The following CHD1 variants were observed in gnomAD, a reference collection of about 807,000 sequenced individuals.
CHD1 encodes chromodomain helicase DNA binding protein 1.
CHD1 carries 36 observed loss-of-function variants against 224.2 expected under a neutral mutation model. The observed-to-expected ratio is 0.16, with a 90% CI of 0.12 to 0.21. CHD1 has a LOEUF of 0.21. CHD1 is among the 10% of genes least tolerant of loss of function. The probability of loss-of-function intolerance (pLI) is 1.00; values close to 1 mark genes in which losing one functional copy is unlikely to be tolerated. For synonymous variants in CHD1, 668 were observed against 658.3 expected, an observed-to-expected ratio of 1.01 and a Z score of -0.23; for missense variants, 1,378 against 1,994.8, an observed-to-expected ratio of 0.69 and a Z score of 5.89.
At chr5:98,882,961 C>T (rs181877245) in intron 19 of CHD1, 127 bp downstream of exon 19, 8 of 556,318 alleles carry the variant, frequency 1.4e-5, no homozygotes, top group East Asian at 1.4e-4. Context: ...CCTCAGTATC[C>T]TATCGGTTAA....
At chr5:98,900,500 T>C (rs1160513460) in intron 7 of CHD1, among the ~76,000 whole-genome samples, 1 of 150,730 alleles carries the variant, frequency 6.6e-6, no homozygotes, top group Non-Finnish European at 1.5e-5. Flanking sequence ...AGTGCAGTCG[T>C]GCAATCTCAG....
In CHD1 at chr5:98,888,245, A is replaced by C; in HGVS notation, c.2344-5T>G. The C allele has an allele frequency of 6.2e-7, 1 of 1,600,404 alleles. No homozygotes were observed. Among genetic ancestry groups the C allele is most frequent in the Non-Finnish European group, 8.5e-7 (1 of 1,172,972 alleles). On this transcript the variant is annotated splice_polypyrimidine_tract_variant and splice_region_variant and intron_variant, in intron 16 of 35. Coordinates refer to ENST00000614616, the MANE Select transcript of CHD1 (RefSeq NM_001270.4). ...TCCGCTACTACGAATTAAGTGCTAC[A>C]GAAACAATTCAAGTTGTTATATGTT...
Position 98,875,628 on chromosome 5 carries a change from T to G in CHD1, c.3399-515A>C, listed in dbSNP as rs1364838868. 1.3e-5 allele frequency among the ~76,000 whole-genome samples: 2 copies of G among 152,230 alleles called. 1 individual carries two copies. Among genetic ancestry groups the G allele is most frequent in the East Asian group, 3.9e-4 (2 of 5,188 alleles). ...GTAGAAGTCGAAATGCTTCCTCAAC[T>G]AAAGACGAAAAGTACAGCAATTCAG... On this transcript the variant is annotated intron_variant, in intron 24 of 35. Coordinates refer to ENST00000614616, the MANE Select transcript of CHD1 (RefSeq NM_001270.4).
intron 2 of CHD1, among the ~76,000 whole-genome samples, chr5:98,907,181 G>A (rs1203162055): frequency 1.3e-5 from 2 of 152,190 alleles, no homozygotes; most frequent in Admixed American, 6.5e-5. Context: ...GCAACAGCCC[G>A]AGGCTATGCT....
rs1231509800 is a variant in CHD1 at position 98,912,726 on chromosome 5, A to G, written c.54-7628T>C. The stretch of plus-strand genomic sequence containing the variant: ...GCAAAGTCAAATGTATACAAAAGTC[A>G]CCTCGGCAAGTGCTAGTAGCACTAG... On this transcript the variant is annotated intron_variant, in intron 2 of 35. Coordinates refer to ENST00000614616, the MANE Select transcript of CHD1 (RefSeq NM_001270.4). 2.6e-5 allele frequency among the ~76,000 whole-genome samples: 4 copies of G among 152,134 alleles called. No individual in the cohort carries two copies. The East Asian group carries it at 7.7e-4, about 29-fold the overall frequency.
At chr5:98,856,756 A>C in intron 35 of CHD1, 31 bp from the exon 36 acceptor site, 4 of 1,345,358 alleles carry the variant, frequency 3.0e-6, no homozygotes, top group Non-Finnish European at 4.1e-6. Context: ...ATTTTAGACA[A>C]ATCATGCAAA....
chr5:98,906,830 G>A lies in CHD1; in HGVS notation c.54-1732C>T, dbSNP rs183779176. ...GTAGCAATAAAGTATCTCCTCTGAA[G>A]ATCTTGAAAGTAGAGATCATACACA... On this transcript the variant is annotated intron_variant, in intron 2 of 35. Transcript: ENST00000614616. Among the ~76,000 whole-genome samples the A allele has an allele frequency of 2.7e-3, 405 of 152,294 alleles. 2 individuals are homozygous for A. Among genetic ancestry groups the A allele is most frequent in the Non-Finnish European group, 4.1e-3 (279 of 68,012 alleles).
rs954654389 is a variant in CHD1, at chr5:98,900,710, C to A, written c.859+101G>T. On this transcript the variant is annotated intron_variant, in intron 7 of 35. Coordinates refer to ENST00000614616, the MANE Select transcript of CHD1 (RefSeq NM_001270.4). ...CTCCTGATCCATCGGCCTCGGCCCCCCAAAGTACTGGGATTACAGGGGCGA... is the reference window on the plus strand; with the variant it reads ...CTCCTGATCCATCGGCCTCGGCCCCACAAAGTACTGGGATTACAGGGGCGA... 1.6e-5 allele frequency: 17 copies of A among 1,061,500 alleles called. No individual in the cohort carries two copies. The South Asian group carries it at 1.6e-4, about 10-fold the overall frequency. 65.8% of individuals were successfully genotyped at this position (1,061,500 alleles called of 1,614,324 possible).
chr5:98,923,214 G>C (rs547449979), intron 2 of CHD1, among the ~76,000 whole-genome samples: 282 of 151,984 alleles, frequency 1.9e-3, no homozygotes, highest in African/African-American at 6.7e-3. Flanking sequence ...GAAAGAAAAT[G>C]AAGGCAAAAA....
intron 9 of CHD1, 78 bp from the exon 10 acceptor site, chr5:98,898,512 G>A (rs1362297412): frequency 2.5e-5 from 33 of 1,315,948 alleles, no homozygotes; most frequent in Non-Finnish European, 3.2e-5. Flanking sequence ...TCTTAGTAAA[G>A]GCTACACAAG....
intron 30 of CHD1, chr5:98,869,537 T>C (rs565042910): frequency 1.9e-6 from 1 of 515,830 alleles, no homozygotes; most frequent in Admixed American, 3.9e-5. Context: ...ATGCCTCTAG[T>C]GCTATATAAT....
chr5:98,881,382 C>G lies in CHD1; in HGVS notation c.2868-7G>C. ...TTTATTGAAAGGAGTAGAACTAAAA[C>G]AGGAAAAACAAAAATGCTTAACATT... On this transcript the variant is annotated splice_polypyrimidine_tract_variant and splice_region_variant and intron_variant, in intron 20 of 35. Transcript: ENST00000614616. 1 of 1,384,558 alleles carries G rather than the reference C, an allele frequency of 7.2e-7. No individual in the cohort carries two copies. The highest frequency in any genetic ancestry group is 9.7e-7 in the Non-Finnish European group (1 of 1,025,986). The allele number at this position is 1,384,558 out of a possible 1,614,324, so 85.8% of individuals were successfully genotyped here.
At chr5:98,886,658 A>G (rs984243868) in intron 17 of CHD1, among the ~76,000 whole-genome samples, 7 of 152,182 alleles carry the variant, frequency 4.6e-5, no homozygotes, top group African/African-American at 1.7e-4. Context: ...ATTTTAAATG[A>G]TGTATTCTAA....
At chr5:98,873,775 CA>C in intron 25 of CHD1, 52 bp from the exon 26 acceptor site, 1 of 1,531,130 alleles carries the variant, frequency 6.5e-7, no homozygotes, top group Non-Finnish European at 8.9e-7. Context: ...GAAGTGGTGC[CA>C]TTTAAGATTA....
intron 12 of CHD1, among the ~76,000 whole-genome samples, chr5:98,895,788 CTA>C (rs1218587744): frequency 2.7e-5 from 4 of 150,266 alleles, no homozygotes; most frequent in Non-Finnish European, 5.9e-5. Flanking sequence ...AATATATATA[CTA>C]AGTAACACTA....
intron 23 of CHD1, 68 bp from the exon 24 acceptor site, chr5:98,876,626 T>C: frequency 3.8e-6 from 5 of 1,307,514 alleles, no homozygotes; most frequent in Non-Finnish European, 4.3e-6. Flanking sequence ...CAAAAACCAT[T>C]ATAAAAGATG....
chr5:98,917,508 T>C (rs1752814875), intron 2 of CHD1, among the ~76,000 whole-genome samples: 1 of 152,204 alleles, frequency 6.6e-6, no homozygotes, highest in Non-Finnish European at 1.5e-5. Context: ...CCATGATATC[T>C]ACCACGTAGT....
rs749514598 is a variant in CHD1 at position 98,903,919 on chromosome 5, A to C, written c.256-11T>G. Reference sequence around the variant, plus strand: ...ACTAGATTTCCAAAACTATAATAGAAATATAAACCAGTGAATGAAGAAGTA... The same window carrying C: ...ACTAGATTTCCAAAACTATAATAGACATATAAACCAGTGAATGAAGAAGTA... On this transcript the variant is annotated splice_polypyrimidine_tract_variant and intron_variant, in intron 3 of 35. Coordinates refer to ENST00000614616, the MANE Select transcript of CHD1 (RefSeq NM_001270.4). 6.6e-7 allele frequency: 1 copy of C among 1,515,508 alleles called. No homozygotes were observed. Among genetic ancestry groups the C allele is most frequent in the South Asian group, 1.2e-5 (1 of 85,850 alleles). The allele number at this position is 1,515,508 out of a possible 1,614,324, so 93.9% of individuals were successfully genotyped here. A position where few individuals can be genotyped will look rare whatever the true frequency, so the allele number is the denominator to read the frequency against.
Position 98,873,657 on chromosome 5 carries a change from T to C in CHD1, c.3507A>G (p.Gly1169=), listed in dbSNP as rs376850493. The C allele has an allele frequency of 2.4e-5, 38 of 1,610,764 alleles. 1 individual carries two copies. In the South Asian group the frequency reaches 3.4e-4, roughly 15 times the overall value. The change falls in exon 26 of 36, where the codon GGA becomes GGG. Residue 1169 remains glycine, a synonymous_variant. Coordinates refer to ENST00000614616, the MANE Select transcript of CHD1 (RefSeq NM_001270.4). Reference sequence around the variant, plus strand: ...TAATGCAACCATTATGTACCAATTCTCCCAGTCGTCTAAGGTCTGTTTCTG... The same window carrying C: ...TAATGCAACCATTATGTACCAATTCCCCCAGTCGTCTAAGGTCTGTTTCTG... ...DKSETDLRRL[G]ELVHNGCIKA... is the part of the protein sequence containing the mutation.
Sources: gnomAD v4.1 joint callset for allele counts (sites outside exome capture counted in the v4.1 genomes callset) on GRCh38, gnomAD v4.1.1 for gene constraint, MANE v1.5 for transcripts, NCBI Gene and HGNC (gene_info 2026-07-23, HGNC 2026-07-21) for gene names.